Variants in SLC14A1 observed in about 807,000 individuals in gnomAD.
The protein encoded by SLC14A1 is urea transporter 1.
A neutral mutation model predicts 39.6 loss-of-function variants in SLC14A1; 36 were observed. The observed-to-expected ratio is 0.91, with a 90% CI of 0.70 to 1.20. SLC14A1 has a LOEUF of 1.20. Ranked by LOEUF, SLC14A1 falls within the 50% of genes most tolerant of loss-of-function variation. The pLI, the probability that SLC14A1 is intolerant of heterozygous loss-of-function variation, is 0.00. For synonymous variants in SLC14A1, 164 were observed against 173.6 expected (o/e 0.94, Z 0.43); for missense variants, 469 against 478.7 (o/e 0.98, Z 0.19).
chr18:45,744,263 C>T (rs1012017045), intron 8 of SLC14A1, among the ~76,000 whole-genome samples: 1 of 152,216 alleles, frequency 6.6e-6, no homozygotes, highest in African/African-American at 2.4e-5. Context: ...ATCCACCTGC[C>T]TCGGCCTCCC....
intron 2 of SLC14A1, chr18:45,727,143 T>A (rs978520890): frequency 2.1e-6 from 2 of 935,002 alleles, no homozygotes; most frequent in Non-Finnish European, 3.3e-6. Flanking sequence ...ACATCTTCCC[T>A]CACCAGGAAC....
intron 4 of SLC14A1, chr18:45,734,044 A>G (rs1251514360): frequency 2.1e-6 from 1 of 486,032 alleles, no homozygotes; most frequent in Non-Finnish European, 3.7e-6. Context: ...TGGGGCCAAA[A>G]AGGCTGGGGA....
chr18:45,737,453 A>G (rs1170088373), intron 6 of SLC14A1: 1 of 152,264 alleles, frequency 6.6e-6, no homozygotes, highest in Non-Finnish European at 1.5e-5. Flanking sequence ...GAAGAAAACC[A>G]AAGAAACCTT....
Position 45,750,337 on chromosome 18 carries a change from A to G in SLC14A1, c.*386A>G, listed in dbSNP as rs994477884. The G allele has an allele frequency of 5.4e-6, 6 of 1,105,020 alleles. No individual in the cohort carries two copies. The Admixed American group carries it at 1.9e-4, about 35-fold the overall frequency. The allele number at this position is 1,105,020 out of a possible 1,614,324, so 68.5% of individuals were successfully genotyped here. Reference sequence around the variant, plus strand: ...ATTAAAAATTAAACCCCATAAACCAACTAAGCCTTATGGAATTCACAGTCA... The same window carrying G: ...ATTAAAAATTAAACCCCATAAACCAGCTAAGCCTTATGGAATTCACAGTCA... On this transcript the variant is annotated 3_prime_UTR_variant, in exon 10 of 10. Coordinates refer to ENST00000321925, the MANE Select transcript of SLC14A1 (RefSeq NM_015865.7).
chr18:45,727,711 A>G (rs1378412909), intron 2 of SLC14A1, among the ~76,000 whole-genome samples: 1 of 152,204 alleles, frequency 6.6e-6, no homozygotes, highest in African/African-American at 2.4e-5. Flanking sequence ...CCTTCTTCTT[A>G]GTTGAAATTA....
chr18:45,742,728 C>T lies in SLC14A1; in HGVS notation c.946+3066C>T, dbSNP rs371926265. Among the ~76,000 whole-genome samples the T allele has an allele frequency of 5.3e-5, 8 of 150,334 alleles. No individual in the cohort carries two copies. The East Asian group carries it at 1.6e-3, about 30-fold the overall frequency. On this transcript the variant is annotated intron_variant, in intron 8 of 9. Transcript: ENST00000321925. ...ACTCTTGCTCTGTAGCTCAGGCTGG[C>T]ATGCAGTGGCACGATCTCAGCTCAC...
chr18:45,744,214 A>C (rs2047478033), intron 8 of SLC14A1, among the ~76,000 whole-genome samples: 1 of 152,246 alleles, frequency 6.6e-6, no homozygotes, highest in South Asian at 2.1e-4. Flanking sequence ...GGGTTTTGCC[A>C]TGTTGGCCAG....
intron 2 of SLC14A1, among the ~76,000 whole-genome samples, chr18:45,728,078 T>C (rs28994276): frequency 0.01 from 1,545 of 152,334 alleles, 30 homozygotes; most frequent in African/African-American, 0.036. Context: ...ATCCCAATTA[T>C]GTTGAAATTA....
chr18:45,745,173 G>A (rs2047512326), intron 8 of SLC14A1, among the ~76,000 whole-genome samples: 1 of 152,206 alleles, frequency 6.6e-6, no homozygotes, highest in Non-Finnish European at 1.5e-5. Context: ...AACTCGGAAG[G>A]CAGAGCTGCA....
intron 8 of SLC14A1, among the ~76,000 whole-genome samples, chr18:45,742,922 G>A (rs552609659): frequency 2.6e-5 from 4 of 151,946 alleles, no homozygotes; most frequent in South Asian, 2.1e-4. Flanking sequence ...TCCTGACCTC[G>A]TGATCCACCT....
In SLC14A1 at chr18:45,730,550, CT is replaced by C. The variant is rs2046998893; in HGVS notation, c.151+82del. ...GGTTTCCTGGTACTTCTACTTATAC[CT>C]TTAGTTATATTCTCCAACTTTTTAT... On this transcript the variant is annotated intron_variant, in intron 3 of 9. Coordinates refer to ENST00000321925, the MANE Select transcript of SLC14A1 (RefSeq NM_015865.7). 4 of 1,468,520 alleles carry C rather than the reference CT, an allele frequency of 2.7e-6. No individual in the cohort carries two copies. In the Admixed American group the frequency reaches 6.7e-5, roughly 25 times the overall value. The allele number at this position is 1,468,520 out of a possible 1,614,324, so 91.0% of individuals were successfully genotyped here. A position where few individuals can be genotyped will look rare whatever the true frequency, so the allele number is the denominator to read the frequency against.
intron 2 of SLC14A1, among the ~76,000 whole-genome samples, chr18:45,726,019 T>C (rs935430767): frequency 9.9e-5 from 15 of 152,226 alleles, no homozygotes; most frequent in African/African-American, 3.4e-4. Flanking sequence ...TCATTCTTCA[T>C]TGTTTCTTAT....
At position 45,749,901 on chromosome 18, in the gene SLC14A1, CGCATCTTCTACCT is replaced by C. The variant is rs1357837840; in HGVS notation, c.1124_1136del (p.Ile375LysfsTer27). On this transcript the variant is annotated frameshift_variant, in exon 10 of 10. Coordinates refer to ENST00000321925, the MANE Select transcript of SLC14A1 (RefSeq NM_015865.7). LOFTEE classifies it high-confidence loss of function. The stretch of plus-strand genomic sequence containing the variant: ...TAAAGTTACTTATCCTGAAGAAAAC[CGCATCTTCTACCT>C]GCAAGCCAAGAAAAGAATGGTGGAA... 6.2e-7 allele frequency: 1 copy of C among 1,613,980 alleles called. No individual in the cohort carries two copies. The highest frequency in any genetic ancestry group is 1.3e-5 in the African/African-American group (1 of 74,876).
intron 8 of SLC14A1, among the ~76,000 whole-genome samples, chr18:45,747,686 C>T (rs1385473297): frequency 1.3e-5 from 2 of 151,900 alleles, no homozygotes; most frequent in Non-Finnish European, 2.9e-5. Flanking sequence ...CTGAGTGAGA[C>T]TCCATCTCCA....
At chr18:45,745,029 G>A (rs1463294284) in intron 8 of SLC14A1, among the ~76,000 whole-genome samples, 2 of 152,192 alleles carry the variant, frequency 1.3e-5, no homozygotes, top group Non-Finnish European at 1.5e-5. Flanking sequence ...TGGATCACAA[G>A]GTCAAGAGAT....
chr18:45,744,099 A>T (rs6507640), intron 8 of SLC14A1, among the ~76,000 whole-genome samples: 2 of 151,524 alleles, frequency 1.3e-5, no homozygotes, highest in South Asian at 4.2e-4. Flanking sequence ...TGCAGCCTCC[A>T]CCTCCTGGGT....
intron 2 of SLC14A1, among the ~76,000 whole-genome samples, chr18:45,728,612 C>T (rs1274854406): frequency 2.0e-5 from 3 of 152,132 alleles, no homozygotes; most frequent in African/African-American, 7.2e-5. Flanking sequence ...AAATAAATGA[C>T]AGCCACCACT....
intron 2 of SLC14A1, 195 bp from the exon 3 acceptor site, chr18:45,730,101 TACAG>T (rs975738873): frequency 4.8e-5 from 25 of 524,342 alleles, no homozygotes; most frequent in African/African-American, 3.4e-4. Flanking sequence ...ATGGTAGCAT[TACAG>T]ACACTGATGG....
chr18:45,745,074 C>G (rs1481790321), intron 8 of SLC14A1, among the ~76,000 whole-genome samples: 2 of 152,194 alleles, frequency 1.3e-5, no homozygotes, highest in Non-Finnish European at 2.9e-5. Context: ...GAAACCCCAT[C>G]TCTACTAAAA....
Sources: gnomAD v4.1 joint callset for allele counts (sites outside exome capture counted in the v4.1 genomes callset) on GRCh38, gnomAD v4.1.1 for gene constraint, MANE v1.5 for transcripts, NCBI Gene and HGNC (gene_info 2026-07-23, HGNC 2026-07-21) for gene names.